The following UPP2 variants were observed in gnomAD, a reference collection of about 807,000 sequenced individuals.
UPP2 encodes UPase 2.
UPP2 carries 23 observed loss-of-function variants against 26.7 expected under a neutral mutation model. That is an observed-to-expected ratio of 0.86 (90% CI 0.62 to 1.22). The LOEUF is 1.22. UPP2 is among the 50% of genes most tolerant of loss of function. The probability of loss-of-function intolerance (pLI) is 0.00; values close to 1 mark genes in which losing one functional copy is unlikely to be tolerated. For missense variants in UPP2, 387 were observed against 396.7 expected (o/e 0.98, Z 0.21); for synonymous variants, 127 against 141.3 (o/e 0.90, Z 0.72).
chr2:158,057,647 T>C (rs1574266907), intron 3 of UPP2, among the ~76,000 whole-genome samples: 1 of 152,220 alleles, frequency 6.6e-6, no homozygotes, highest in East Asian at 1.9e-4. Flanking sequence ...TGATACATTA[T>C]TATTAACTAC....
intron 6 of UPP2, among the ~76,000 whole-genome samples, chr2:158,134,199 A>G (rs77137832): frequency 0.031 from 4,743 of 152,204 alleles, 127 homozygotes; most frequent in East Asian, 0.14. Context: ...TTTCCTCTCA[A>G]ATTTCATGAG....
At chr2:158,038,779 G>A (rs1684041296) in intron 3 of UPP2, among the ~76,000 whole-genome samples, 1 of 152,094 alleles carries the variant, frequency 6.6e-6, no homozygotes, top group Admixed American at 6.6e-5. Flanking sequence ...CTCTATTGAG[G>A]GTTTCTATAA....
chr2:158,064,166 G>T (rs1003168140), intron 3 of UPP2, among the ~76,000 whole-genome samples: 3 of 152,196 alleles, frequency 2.0e-5, no homozygotes, highest in Admixed American at 2.0e-4. Flanking sequence ...TTGAAGAATT[G>T]CCACACTGTG....
At chr2:158,121,006 A>T (rs1328583800) in intron 4 of UPP2, among the ~76,000 whole-genome samples, 4 of 152,014 alleles carry the variant, frequency 2.6e-5, no homozygotes, top group Admixed American at 2.0e-4. Flanking sequence ...GAGGATAGAG[A>T]TGCAAAGAAA....
chr2:158,109,754 A>G (rs1201628456), intron 2 of UPP2, among the ~76,000 whole-genome samples: 3 of 152,218 alleles, frequency 2.0e-5, no homozygotes, highest in Non-Finnish European at 4.4e-5. Context: ...CAGCTAATCA[A>G]TCTCTGCCAT....
At chr2:158,003,301 T>C (rs764188340) in intron 2 of UPP2, among the ~76,000 whole-genome samples, 3 of 152,088 alleles carry the variant, frequency 2.0e-5, no homozygotes, top group Non-Finnish European at 2.9e-5. Flanking sequence ...AGGAGGAACA[T>C]TCCTGCCAGG....
chr2:158,052,004 C>T (rs1682167719), intron 3 of UPP2, among the ~76,000 whole-genome samples: 1 of 152,168 alleles, frequency 6.6e-6, no homozygotes, highest in African/African-American at 2.4e-5. Flanking sequence ...AAATACCCTG[C>T]TACCCACAGT....
At chr2:158,064,476 T>G (rs7424774) in intron 3 of UPP2, among the ~76,000 whole-genome samples, 4 of 151,342 alleles carry the variant, frequency 2.6e-5, no homozygotes, top group Non-Finnish European at 1.5e-5. Flanking sequence ...TCTTTGTAGA[T>G]TGTGGATATT....
intron 3 of UPP2, among the ~76,000 whole-genome samples, chr2:158,084,906 A>G (rs907997751): frequency 3.3e-5 from 5 of 152,130 alleles, no homozygotes; most frequent in Admixed American, 2.6e-4. Context: ...GCCTTATAAT[A>G]TAGTTTGAAG....
At position 158,051,206 on chromosome 2, in the gene UPP2, TATA is replaced by T. The variant is rs987630888; in HGVS notation, c.147+35324_147+35326del. On this transcript the variant is annotated intron_variant, in intron 3 of 9. Transcript: ENST00000605860. ...GTGTGTGTGTGTGTGTGTATGTGTG[TATA>T]ATATCTTTCATTTCATAACAACGCA... Among the ~76,000 whole-genome samples the T allele has an allele frequency of 4.0e-5, 6 of 151,528 alleles. No individual in the cohort carries two copies. The South Asian group carries it at 6.3e-4, about 16-fold the overall frequency.
chr2:158,102,602 A>G (rs993993023), intron 1 of UPP2, among the ~76,000 whole-genome samples: 1 of 152,208 alleles, frequency 6.6e-6, no homozygotes, highest in Non-Finnish European at 1.5e-5. Flanking sequence ...AATACCGTCT[A>G]TGTGATTCAT....
chr2:158,031,580 G>C (rs958223057), intron 3 of UPP2, among the ~76,000 whole-genome samples: 2 of 152,208 alleles, frequency 1.3e-5, no homozygotes, highest in African/African-American at 4.8e-5. Context: ...TTCCGAGCCA[G>C]CTCTATTCTA....
At chr2:158,109,851 T>C (rs1470684408) in intron 2 of UPP2, among the ~76,000 whole-genome samples, 1 of 152,196 alleles carries the variant, frequency 6.6e-6, no homozygotes, top group African/African-American at 2.4e-5. Flanking sequence ...ATTTATAAAA[T>C]TCTCCACTCA....
intron 3 of UPP2, among the ~76,000 whole-genome samples, chr2:158,062,422 A>AT (rs1373260295): frequency 6.6e-6 from 1 of 152,138 alleles, no homozygotes; most frequent in African/African-American, 2.4e-5. Context: ...CTCCCTGGCC[A>AT]TTTCTCTATT....
intron 2 of UPP2, among the ~76,000 whole-genome samples, chr2:158,010,559 T>C (rs1478151315): frequency 6.6e-6 from 1 of 152,148 alleles, no homozygotes; most frequent in Non-Finnish European, 1.5e-5. Context: ...CCTTTCCTAG[T>C]AGGCTGAATC....
At chr2:158,053,640 T>C (rs774948205) in intron 3 of UPP2, among the ~76,000 whole-genome samples, 1 of 152,186 alleles carries the variant, frequency 6.6e-6, no homozygotes, top group Non-Finnish European at 1.5e-5. Context: ...TCATTATCCA[T>C]ACAGTAGCTA....
chr2:158,100,662 G>A (rs1472585029), upstream of UPP2, among the ~76,000 whole-genome samples: 2 of 152,172 alleles, frequency 1.3e-5, no homozygotes, highest in Admixed American at 1.3e-4. Context: ...AAGAACTACT[G>A]TTCTAAGTTA....
At chr2:158,054,201 T>A (rs1052241155) in intron 3 of UPP2, among the ~76,000 whole-genome samples, 1 of 152,034 alleles carries the variant, frequency 6.6e-6, no homozygotes, top group Non-Finnish European at 1.5e-5. Flanking sequence ...GAGGTTGCAA[T>A]GAGCTTAGAT....
At chr2:158,114,331 C>G (rs867177190) in intron 2 of UPP2, among the ~76,000 whole-genome samples, 2 of 152,156 alleles carry the variant, frequency 1.3e-5, no homozygotes, top group African/African-American at 2.4e-5. Flanking sequence ...CTCTCCCTGG[C>G]GTCCACCTCT....
Sources: gnomAD v4.1 joint callset for allele counts (sites outside exome capture counted in the v4.1 genomes callset) on GRCh38, gnomAD v4.1.1 for gene constraint, MANE v1.5 for transcripts, NCBI Gene and HGNC (gene_info 2026-07-23, HGNC 2026-07-21) for gene names.